Variants in OTUD5 observed in about 807,000 individuals in gnomAD.
The protein encoded by OTUD5 is OTU deubiquitinase 5, also known as OTU domain-containing protein 5.
A neutral mutation model predicts 36.3 loss-of-function variants in OTUD5; 2 were observed. The observed-to-expected ratio is 0.06, with a 90% CI of 0.02 to 0.17. The LOEUF is 0.17. Ranked by LOEUF, OTUD5 falls within the 10% of genes least tolerant of loss-of-function variation. OTUD5 has a pLI of 1.00. For synonymous variants in OTUD5, 234 were observed against 214.9 expected (o/e 1.09, Z -0.78); for missense variants, 233 against 512.3 (o/e 0.45, Z 5.26).
chrX:48,955,193 G>A (rs2064215043), intron 1 of OTUD5, among the ~76,000 whole-genome samples: 1 of 111,765 alleles, frequency 8.9e-6, no homozygotes, highest in Non-Finnish European at 1.9e-5. Flanking sequence ...AAGTCCCCGA[G>A]GCAGGAAGTC....
chrX:48,939,182 G>A (rs1557050542), intron 2 of OTUD5, among the ~76,000 whole-genome samples: 2 of 110,930 alleles, frequency 1.8e-5, no homozygotes, highest in African/African-American at 6.6e-5. Context: ...CTCTCAAAGG[G>A]TAACTGCTGG....
At chrX:48,952,837 G>A (rs1184840440) in intron 1 of OTUD5, among the ~76,000 whole-genome samples, 1 of 112,436 alleles carries the variant, frequency 8.9e-6, no homozygotes, top group African/African-American at 3.2e-5. Flanking sequence ...GTTGGGGTAA[G>A]AAGAGCCCAA....
intron 2 of OTUD5, among the ~76,000 whole-genome samples, chrX:48,936,919 G>A (rs192695059): frequency 1.7e-3 from 194 of 111,730 alleles, no homozygotes; most frequent in African/African-American, 5.8e-3. Context: ...ACACTCCTGA[G>A]TTCTTCCCTG....
chrX:48,951,570 G>A lies in OTUD5; in HGVS notation c.594+5407C>T, dbSNP rs782295981. On this transcript the variant is annotated intron_variant, in intron 1 of 8. Transcript: ENST00000376488. Reference sequence around the variant, plus strand: ...GTGGAGGTTGCAGTGAGCCAAGATCGCGCCACTACACTCCAGCCTGGGGGA... The same window carrying A: ...GTGGAGGTTGCAGTGAGCCAAGATCACGCCACTACACTCCAGCCTGGGGGA... Among the ~76,000 whole-genome samples, 6 of 110,381 alleles carry A rather than the reference G, an allele frequency of 5.4e-5. No homozygotes were observed. In the South Asian group the frequency reaches 1.2e-3, roughly 21 times the overall value.
chrX:48,929,386 T>C (rs1276432687), intron 5 of OTUD5, among the ~76,000 whole-genome samples: 2 of 104,011 alleles, frequency 1.9e-5, no homozygotes, highest in Non-Finnish European at 3.9e-5. Flanking sequence ...AGACTCTGTC[T>C]CAAAAAATAA....
chrX:48,944,023 G>A (rs1380111655), intron 2 of OTUD5, among the ~76,000 whole-genome samples, 167 bp downstream of exon 2: 1 of 111,641 alleles, frequency 9.0e-6, no homozygotes, highest in Non-Finnish European at 1.9e-5. Context: ...CCACTACAAT[G>A]TCTCAAGACC....
intron 2 of OTUD5, among the ~76,000 whole-genome samples, chrX:48,935,435 GAC>G (rs2063814438): frequency 9.0e-6 from 1 of 110,965 alleles, no homozygotes; most frequent in African/African-American, 3.3e-5. Flanking sequence ...GTCAGTCTGT[GAC>G]AGAGTCAACT....
At chrX:48,952,827 G>A (rs2147679225) in intron 1 of OTUD5, among the ~76,000 whole-genome samples, 1 of 112,440 alleles carries the variant, frequency 8.9e-6, no homozygotes, top group South Asian at 3.6e-4. Flanking sequence ...CCCAATTCCA[G>A]TTGGGGTAAG....
rs781875597 is a variant in OTUD5 at position 48,932,814 on chromosome X, A to G, written c.1059+1650T>C. 1.9e-4 allele frequency among the ~76,000 whole-genome samples: 21 copies of G among 111,231 alleles called. No individual in the cohort carries two copies. The East Asian group carries it at 5.3e-3, about 28-fold the overall frequency. On this transcript the variant is annotated intron_variant, in intron 5 of 8. Transcript: ENST00000376488. The stretch of plus-strand genomic sequence containing the variant: ...AAAATTTTTTTTCATTTTTTTACAA[A>G]AAGTTTTTTTAAAACACTGGCCGGG...
At chrX:48,938,163 G>A (rs184706861) in intron 2 of OTUD5, among the ~76,000 whole-genome samples, 2 of 111,675 alleles carry the variant, frequency 1.8e-5, no homozygotes, top group African/African-American at 6.5e-5. Flanking sequence ...GCACTGATAG[G>A]TGATATGGTA....
upstream of OTUD5, among the ~76,000 whole-genome samples, chrX:48,958,067 A>T (rs1277640158): frequency 8.8e-6 from 1 of 113,117 alleles, no homozygotes; most frequent in African/African-American, 3.2e-5. Context: ...CAACCAATTG[A>T]GCAGCTGCGT....
intron 5 of OTUD5, among the ~76,000 whole-genome samples, chrX:48,932,197 A>C (rs2063766070): frequency 9.2e-6 from 1 of 108,128 alleles, no homozygotes; most frequent in African/African-American, 3.3e-5. Flanking sequence ...TAATAATAAT[A>C]ATAATAGCAG....
chrX:48,939,550 G>A (rs190267049), intron 2 of OTUD5, among the ~76,000 whole-genome samples: 1 of 111,543 alleles, frequency 9.0e-6, no homozygotes, highest in Non-Finnish European at 1.9e-5. Flanking sequence ...CCACAACAGA[G>A]AACTATCACA....
chrX:48,944,337 G>C, intron 1 of OTUD5, 54 bp from the exon 2 acceptor site: 5 of 826,534 alleles, frequency 6.0e-6, no homozygotes, highest in Non-Finnish European at 7.2e-6. Context: ...TCCCTCCCCA[G>C]GGCCCCGACC....
At chrX:48,957,630 G>A, upstream of OTUD5, 1 of 789,876 alleles carries the variant, frequency 1.3e-6, no homozygotes, top group Non-Finnish European at 1.5e-6. Context: ...GAGAGAACCC[G>A]GATGAGGGGG....
intron 2 of OTUD5, among the ~76,000 whole-genome samples, chrX:48,939,449 G>C (rs1329265639): frequency 1.8e-5 from 2 of 111,740 alleles, no homozygotes; most frequent in Non-Finnish European, 3.8e-5. Flanking sequence ...TGGACACACA[G>C]AGACACCAGT....
At chrX:48,932,258 A>G (rs1370314376) in intron 5 of OTUD5, among the ~76,000 whole-genome samples, 5 of 110,151 alleles carry the variant, frequency 4.5e-5, no homozygotes, top group African/African-American at 1.6e-4. Flanking sequence ...TTATCTCCTC[A>G]ATTGTTCTGT....
Position 48,922,817 on chromosome X carries a change from G to C in OTUD5, c.*357C>G, listed in dbSNP as rs1222988726. ...ATGAGGGGCAGGGAGACTTTCCTCT[G>C]TCTGAATGTCTCTCTCCTCTGGGGC... On this transcript the variant is annotated 3_prime_UTR_variant, in exon 9 of 9. Transcript: ENST00000376488. 1.2e-6 allele frequency: 1 copy of C among 806,488 alleles called. No individual in the cohort carries two copies. The highest frequency in any genetic ancestry group is 2.2e-5 in the African/African-American group (1 of 45,671). 66.5% of individuals were successfully genotyped at this position (806,488 alleles called of 1,213,427 possible).
upstream of OTUD5, chrX:48,957,725 AGGAGGCGGCGGCGGC>A (rs1376388918): frequency 2.9e-4 from 107 of 373,019 alleles, no homozygotes; most frequent in East Asian, 3.2e-3. Context: ...TCGGCGGCGG[AGGAGGCGGCGGCGGC>A]GGCGGCGGCG....
Sources: gnomAD v4.1 joint callset for allele counts (sites outside exome capture counted in the v4.1 genomes callset) on GRCh38, gnomAD v4.1.1 for gene constraint, MANE v1.5 for transcripts, NCBI Gene and HGNC (gene_info 2026-07-23, HGNC 2026-07-21) for gene names.